STX8: variants seen among roughly 807,000 people sequenced by gnomAD.
STX8 encodes syntaxin 8, also known as syntaxin-8.
A neutral mutation model predicts 37.5 loss-of-function variants in STX8; 23 were observed. The observed-to-expected ratio is 0.61, with a 90% CI of 0.44 to 0.87. The LOEUF is 0.87. STX8 is among the 40% of genes least tolerant of loss of function. STX8 has a pLI of 0.00. For missense variants in STX8, 313 were observed against 284.7 expected (o/e 1.10, Z -0.71); for synonymous variants, 115 against 99.1 (o/e 1.16, Z -0.95).
intron 7 of STX8, among the ~76,000 whole-genome samples, chr17:9,287,832 C>A (rs1483010531): frequency 6.6e-6 from 1 of 151,780 alleles, no homozygotes; most frequent in Non-Finnish European, 1.5e-5. Context: ...CTCACTGCAA[C>A]CTCTGCCTTC....
rs547424377 is a variant in STX8 at position 9,275,323 on chromosome 17, T to C, written c.644-24678A>G. On this transcript the variant is annotated intron_variant, in intron 7 of 7. Coordinates refer to ENST00000306357, the MANE Select transcript of STX8 (RefSeq NM_004853.3). The stretch of plus-strand genomic sequence containing the variant: ...GTGGAGCTCTTCTGCCTTCCTATTT[T>C]CCCCCATCGCCTCTAAGTAAAGGGC... Among the ~76,000 whole-genome samples, 4 of 152,118 alleles carry C rather than the reference T, an allele frequency of 2.6e-5. No homozygotes were observed. In the South Asian group the frequency reaches 8.3e-4, roughly 32 times the overall value.
At chr17:9,301,289 T>C (rs1172292254) in intron 7 of STX8, among the ~76,000 whole-genome samples, 1 of 152,086 alleles carries the variant, frequency 6.6e-6, no homozygotes, top group East Asian at 1.9e-4. Context: ...CAACAACAAC[T>C]AAGAACAGAT....
At chr17:9,460,697 A>C (rs1298568778) in intron 6 of STX8, among the ~76,000 whole-genome samples, 2 of 150,672 alleles carry the variant, frequency 1.3e-5, no homozygotes, top group Non-Finnish European at 2.9e-5. Flanking sequence ...AACAAAACAA[A>C]ACTACTAAAT....
chr17:9,343,433 C>T (rs1351628993), intron 7 of STX8, among the ~76,000 whole-genome samples: 1 of 35,488 alleles, frequency 2.8e-5, no homozygotes, highest in Non-Finnish European at 7.0e-5. Context: ...TAACTGTTTT[C>T]TCTCTTAAAA....
chr17:9,475,370 C>T (rs73973771), intron 6 of STX8, among the ~76,000 whole-genome samples: 1,864 of 152,220 alleles, frequency 0.012, 49 homozygotes, highest in African/African-American at 0.043. Flanking sequence ...TTGACAGAAC[C>T]CTGGAGAGGC....
intron 7 of STX8, among the ~76,000 whole-genome samples, chr17:9,364,692 A>G (rs1911170253): frequency 1.3e-5 from 2 of 151,944 alleles, no homozygotes; most frequent in Admixed American, 1.3e-4. Context: ...CACCACGCTC[A>G]GCTAATTTTT....
chr17:9,373,938 T>TAAAAAAAAAAA (rs76173982), intron 7 of STX8, among the ~76,000 whole-genome samples: 1 of 105,306 alleles, frequency 9.5e-6, no homozygotes. Flanking sequence ...GAACTCTATC[T>TAAAAAAAAAAA]AAAAAAAAAA....
At chr17:9,549,632 C>G (rs1906683481) in intron 3 of STX8, among the ~76,000 whole-genome samples, 1 of 152,168 alleles carries the variant, frequency 6.6e-6, no homozygotes, top group African/African-American at 2.4e-5. Context: ...TTCCCAGAGA[C>G]TCTGTAAATC....
intron 4 of STX8, among the ~76,000 whole-genome samples, chr17:9,535,609 T>G (rs930338769): frequency 6.6e-6 from 1 of 151,754 alleles, no homozygotes; most frequent in Non-Finnish European, 1.5e-5. Context: ...ATTTTTTGTA[T>G]TTTTAGTAGA....
chr17:9,452,214 G>C (rs1320293321), intron 6 of STX8: 1 of 151,234 alleles, frequency 6.6e-6, no homozygotes, highest in Admixed American at 6.6e-5. Flanking sequence ...CTTCTTGGTG[G>C]AGCCCATCTC....
intron 7 of STX8, among the ~76,000 whole-genome samples, chr17:9,258,520 G>A (rs79950884): frequency 0.019 from 2,943 of 152,322 alleles, 88 homozygotes; most frequent in African/African-American, 0.067. Context: ...TCCTACAGCC[G>A]CTGCTCAGCT....
At chr17:9,375,585 T>C (rs775541185) in intron 7 of STX8, among the ~76,000 whole-genome samples, 2 of 152,152 alleles carry the variant, frequency 1.3e-5, no homozygotes, top group Non-Finnish European at 2.9e-5. Context: ...TCTAGACATA[T>C]AGTAACGAGA....
intron 7 of STX8, among the ~76,000 whole-genome samples, chr17:9,304,848 C>T (rs749132003): frequency 1.3e-5 from 2 of 150,984 alleles, no homozygotes; most frequent in Admixed American, 6.6e-5. Context: ...TACCTCTACA[C>T]ATATAAAAGA....
intron 1 of STX8, among the ~76,000 whole-genome samples, chr17:9,570,994 G>A (rs147169741): frequency 1.7e-3 from 253 of 152,298 alleles, no homozygotes; most frequent in African/African-American, 5.7e-3. Flanking sequence ...ATTTGGCTGC[G>A]TGGTGGCCCT....
intron 2 of STX8, among the ~76,000 whole-genome samples, chr17:9,562,267 A>G (rs970751970): frequency 3.9e-5 from 6 of 151,980 alleles, no homozygotes; most frequent in East Asian, 1.9e-4. Flanking sequence ...TTAGCCGGGC[A>G]TGGTGGCGGG....
intron 7 of STX8, among the ~76,000 whole-genome samples, chr17:9,304,507 C>CA (rs35673905): frequency 0.031 from 1,773 of 56,564 alleles, 35 homozygotes; most frequent in African/African-American, 0.045. Context: ...GAAACTGTCT[C>CA]AAAAAAAAAA....
rs755608504 is a variant in STX8, at chr17:9,353,261, G to A, written c.643+25291C>T. Reference sequence around the variant, plus strand: ...TACATAGCCCCATCATTGTTTGTGCGCTTCCTTGATCTCAGACCCAAGATG... The same window carrying A: ...TACATAGCCCCATCATTGTTTGTGCACTTCCTTGATCTCAGACCCAAGATG... On this transcript the variant is annotated intron_variant, in intron 7 of 7. Coordinates refer to ENST00000306357, the MANE Select transcript of STX8 (RefSeq NM_004853.3). Among the ~76,000 whole-genome samples the A allele has an allele frequency of 3.9e-4, 60 of 152,058 alleles. 1 individual carries two copies. Among genetic ancestry groups the A allele is most frequent in the Admixed American group, 2.4e-3 (37 of 15,264 alleles).
intron 6 of STX8, among the ~76,000 whole-genome samples, chr17:9,488,156 G>A (rs917260576): frequency 2.6e-5 from 4 of 151,908 alleles, no homozygotes; most frequent in Non-Finnish European, 4.4e-5. Context: ...GTGAAACCTC[G>A]TCTCCACCAA....
chr17:9,318,803 T>C (rs1489387828), intron 7 of STX8, among the ~76,000 whole-genome samples: 1 of 152,182 alleles, frequency 6.6e-6, no homozygotes, highest in East Asian at 1.9e-4. Flanking sequence ...TTAGAAGGTT[T>C]AGAATATAGT....
Sources: gnomAD v4.1 joint callset for allele counts (sites outside exome capture counted in the v4.1 genomes callset) on GRCh38, gnomAD v4.1.1 for gene constraint, MANE v1.5 for transcripts, NCBI Gene and HGNC (gene_info 2026-07-23, HGNC 2026-07-21) for gene names.